Variants in RFX3 observed in about 807,000 individuals in gnomAD.
The protein encoded by RFX3 is transcription factor RFX3.
In RFX3, 14 loss-of-function variants were observed where a neutral mutation model predicts 98.6. That is an observed-to-expected ratio of 0.14 (90% CI 0.09 to 0.22). RFX3 has a LOEUF of 0.22. Ranked by LOEUF, RFX3 falls within the 10% of genes least tolerant of loss-of-function variation. The pLI is 1.00. For synonymous variants in RFX3, 383 were observed against 328.4 expected, an observed-to-expected ratio of 1.17 and a Z score of -1.80; for missense variants, 639 against 926.9, an observed-to-expected ratio of 0.69 and a Z score of 4.03.
At chr9:3,333,239 TTTGA>T (rs1348544092) in intron 3 of RFX3, among the ~76,000 whole-genome samples, 1 of 152,328 alleles carries the variant, frequency 6.6e-6, no homozygotes, top group East Asian at 1.9e-4. Flanking sequence ...CTCCAAGATT[TTTGA>T]TTAATTTAAA....
At chr9:3,454,069 C>T (rs1002290455) in intron 1 of RFX3, among the ~76,000 whole-genome samples, 4 of 151,952 alleles carry the variant, frequency 2.6e-5, no homozygotes, top group Non-Finnish European at 4.4e-5. Context: ...TTTGTGTGCA[C>T]AAATATGTGA....
intron 2 of RFX3, among the ~76,000 whole-genome samples, chr9:3,381,540 G>T (rs570285806): frequency 6.6e-6 from 1 of 152,112 alleles, no homozygotes; most frequent in Non-Finnish European, 1.5e-5. Flanking sequence ...TGCTAATGAT[G>T]AGATAGAAAG....
Position 3,275,676 on chromosome 9 carries a change from G to C in RFX3, c.974-64C>G, listed in dbSNP as rs542823759. ...GATGGTGCCAATTACAGATTAATGAGGGAAAATTTAAGAAGACCAAAAAGA... is the reference window on the plus strand; with the variant it reads ...GATGGTGCCAATTACAGATTAATGACGGAAAATTTAAGAAGACCAAAAAGA... On this transcript the variant is annotated intron_variant, in intron 8 of 16. Transcript: ENST00000617270. 7.7e-5 allele frequency: 74 copies of C among 962,784 alleles called. No individual in the cohort carries two copies. The East Asian group carries it at 1.7e-3, about 22-fold the overall frequency. The allele number at this position is 962,784 out of a possible 1,614,324, so 59.6% of individuals were successfully genotyped here.
chr9:3,467,314 ATGTG>A (rs1043151481), intron 1 of RFX3, among the ~76,000 whole-genome samples: 5 of 147,136 alleles, frequency 3.4e-5, no homozygotes, highest in South Asian at 4.2e-4. Flanking sequence ...AAATATATAT[ATGTG>A]TGTGTGTATG....
At chr9:3,362,897 T>C (rs982446722) in intron 2 of RFX3, among the ~76,000 whole-genome samples, 1 of 152,152 alleles carries the variant, frequency 6.6e-6, no homozygotes, top group Admixed American at 6.5e-5. Context: ...GGAGCAGGAA[T>C]GTTACTCAGG....
At chr9:3,370,775 C>A (rs1469349887) in intron 2 of RFX3, among the ~76,000 whole-genome samples, 2 of 152,094 alleles carry the variant, frequency 1.3e-5, no homozygotes, top group African/African-American at 4.8e-5. Context: ...CATGCTTATA[C>A]AACTGCAAAT....
At chr9:3,287,057 A>T (rs1826703228) in intron 7 of RFX3, among the ~76,000 whole-genome samples, 1 of 151,596 alleles carries the variant, frequency 6.6e-6, no homozygotes, top group African/African-American at 2.4e-5. Flanking sequence ...TCCATTCTCC[A>T]TGTGCCTCCC....
intron 4 of RFX3, among the ~76,000 whole-genome samples, chr9:3,321,853 T>C (rs1243981647): frequency 6.6e-6 from 1 of 152,074 alleles, no homozygotes; most frequent in Non-Finnish European, 1.5e-5. Flanking sequence ...TATAAATATA[T>C]AAATATTCAG....
chr9:3,467,197 A>G (rs889184765), intron 1 of RFX3, among the ~76,000 whole-genome samples: 3 of 143,248 alleles, frequency 2.1e-5, no homozygotes, highest in African/African-American at 7.9e-5. Flanking sequence ...TACATATATA[A>G]TGTATGTGTA....
intron 14 of RFX3, among the ~76,000 whole-genome samples, chr9:3,251,705 C>T (rs753694408): frequency 2.6e-5 from 4 of 151,986 alleles, no homozygotes; most frequent in Non-Finnish European, 2.9e-5. Flanking sequence ...TAAAAGATGT[C>T]ATTCATTATA....
At chr9:3,468,496 A>G (rs1848501413) in intron 1 of RFX3, among the ~76,000 whole-genome samples, 1 of 152,232 alleles carries the variant, frequency 6.6e-6, no homozygotes, top group African/African-American at 2.4e-5. Context: ...TTGTAGAGAG[A>G]AACTTTGCTG....
intron 14 of RFX3, among the ~76,000 whole-genome samples, chr9:3,255,765 T>G (rs919510207): frequency 2.0e-5 from 3 of 152,212 alleles, no homozygotes; most frequent in Non-Finnish European, 4.4e-5. Context: ...TTGATATATG[T>G]CATGTAATCA....
intron 1 of RFX3, among the ~76,000 whole-genome samples, chr9:3,424,287 G>A (rs1234471186): frequency 6.6e-6 from 1 of 150,930 alleles, no homozygotes; most frequent in East Asian, 1.9e-4. Context: ...ATGTTCAGTA[G>A]GGCATCATCT....
In RFX3 at chr9:3,456,109, A is replaced by G. The variant is rs1484250153; in HGVS notation, c.-8-60513T>C. Among the ~76,000 whole-genome samples, 4 of 152,314 alleles carry G rather than the reference A, an allele frequency of 2.6e-5. No homozygotes were observed. The East Asian group carries it at 5.8e-4, about 22-fold the overall frequency. ...GAAGGCTGTGTAAAGCTGTTTTTAT[A>G]GGGGTTTTACTCCCATTCACAAGGG... is the stretch of plus-strand genomic sequence containing the variant. On this transcript the variant is annotated intron_variant, in intron 1 of 16. Coordinates refer to ENST00000617270, the MANE Select transcript of RFX3 (RefSeq NM_001282116.2).
chr9:3,408,313 C>G (rs982222458), intron 1 of RFX3, among the ~76,000 whole-genome samples: 1 of 152,082 alleles, frequency 6.6e-6, no homozygotes, highest in South Asian at 2.1e-4. Context: ...TAATAAAGCC[C>G]CATAGCAATC....
chr9:3,435,032 G>C (rs75443617), intron 1 of RFX3, among the ~76,000 whole-genome samples: 1 of 151,434 alleles, frequency 6.6e-6, no homozygotes, highest in Non-Finnish European at 1.5e-5. Flanking sequence ...TAAAAATATG[G>C]CATAAGAGAT....
chr9:3,514,468 C>T (rs12345145), intron 1 of RFX3, among the ~76,000 whole-genome samples: 24,387 of 144,556 alleles, frequency 0.17, 3,523 homozygotes, highest in East Asian at 0.57. Flanking sequence ...TTTTGTTTTG[C>T]TTTGTTTTTT....
intron 1 of RFX3, among the ~76,000 whole-genome samples, chr9:3,493,700 A>AATATATATATATAT (rs1288255611): frequency 4.2e-5 from 3 of 71,814 alleles, no homozygotes; most frequent in African/African-American, 1.8e-4. Context: ...AAAAAAAAAA[A>AATATATATATATAT]ATATATATAT....
chr9:3,395,640 T>TGTAAGGAA, intron 1 of RFX3, 44 bp from the exon 2 acceptor site: 1 of 1,598,836 alleles, frequency 6.3e-7, no homozygotes, highest in Non-Finnish European at 8.6e-7. Flanking sequence ...ATGTCACTCC[T>TGTAAGGAA]GCATGACTAG....
Sources: allele counts gnomAD v4.1 joint callset (sites outside exome capture counted in the v4.1 genomes callset), GRCh38; gene constraint gnomAD v4.1.1; transcripts MANE v1.5; gene names NCBI Gene and HGNC (gene_info 2026-07-23, HGNC 2026-07-21).